Variants in MYO3A observed in about 807,000 individuals in gnomAD.
MYO3A encodes the protein myosin IIIA, also known as myosin-IIIa.
In MYO3A, 180 loss-of-function variants were observed where a neutral mutation model predicts 192.7. The ratio of observed to expected loss-of-function variants is 0.93; its 90% CI spans 0.83 to 1.06. MYO3A has a LOEUF of 1.06. Ranked by LOEUF, MYO3A falls within the 50% of genes least tolerant of loss-of-function variation. MYO3A has a pLI of 0.00. For missense variants in MYO3A, 1,896 were observed against 1,905.0 expected, an observed-to-expected ratio of 1.00 and a Z score of 0.09; for synonymous variants, 628 against 645.3, an observed-to-expected ratio of 0.97 and a Z score of 0.41.
intron 4 of MYO3A, among the ~76,000 whole-genome samples, chr10:25,974,580 TAG>T (rs1838863705): frequency 6.6e-6 from 1 of 152,146 alleles, no homozygotes; most frequent in Non-Finnish European, 1.5e-5. Flanking sequence ...CCACATCTCT[TAG>T]AGTGACACCT....
chr10:26,167,741 T>C (rs1377601048), intron 27 of MYO3A, among the ~76,000 whole-genome samples: 1 of 152,238 alleles, frequency 6.6e-6, no homozygotes, highest in East Asian at 1.9e-4. Flanking sequence ...TAGAGTCCTG[T>C]AGAAATTAAA....
chr10:26,107,334 A>G (rs1837874942), intron 17 of MYO3A, among the ~76,000 whole-genome samples: 1 of 152,074 alleles, frequency 6.6e-6, no homozygotes, highest in Non-Finnish European at 1.5e-5. Flanking sequence ...ACAAAAAATT[A>G]GCCAGGCGTG....
chr10:26,019,057 G>A (rs1842134034), intron 7 of MYO3A, among the ~76,000 whole-genome samples: 1 of 151,836 alleles, frequency 6.6e-6, no homozygotes, highest in African/African-American at 2.4e-5. Flanking sequence ...TATTCACAGG[G>A]CTGTGCAATC....
rs780657075 is a variant in MYO3A at position 26,024,033 on chromosome 10, C to G, written c.743C>G (p.Pro248Arg). The G allele has an allele frequency of 8.1e-6, 13 of 1,612,948 alleles. No individual in the cohort carries two copies. The Admixed American group carries it at 1.8e-4, about 23-fold the overall frequency. The change falls in exon 9 of 35, where the codon CCA becomes CGA. Residue 248 changes from proline (P) to arginine (R), a missense_variant. Pro to Arg is a moderately radical substitution (Grantham distance 103). Transcript: ENST00000642920. ...TCTTATTTTTCTAGGAATCCACCCC[C>G]AAAACTAAGGCAGCCTGAGCTATGG... Reference protein sequence around the residue: ...ALFKIPRNPPPKLRQPELWSA... With the variant: ...ALFKIPRNPPRKLRQPELWSA...
In MYO3A at chr10:26,143,446, A is replaced by C. The variant is rs1554833178; in HGVS notation, c.2263-2A>C. ...TTTTAAGTGGTTTTGTCTTTATTAT[A>C]GAATGAATACCTAAATGAAGATGTG... On this transcript the variant is annotated splice_acceptor_variant, in intron 20 of 34. Transcript: ENST00000642920. LOFTEE classifies it high-confidence loss of function. 1.9e-6 allele frequency: 3 copies of C among 1,609,142 alleles called. No homozygotes were observed. The highest frequency in any genetic ancestry group is 2.6e-6 in the Non-Finnish European group (3 of 1,175,600).
intron 4 of MYO3A, among the ~76,000 whole-genome samples, chr10:25,988,510 C>T (rs75030604): frequency 0.043 from 6,613 of 152,144 alleles, 183 homozygotes; most frequent in Middle Eastern, 0.068. Flanking sequence ...CCATAGCCAC[C>T]GTGGGAAACA....
intron 32 of MYO3A, among the ~76,000 whole-genome samples, chr10:26,200,619 G>T (rs138410208): frequency 3.9e-5 from 6 of 152,284 alleles, no homozygotes; most frequent in Non-Finnish European, 7.4e-5. Context: ...GTTAGTGTTC[G>T]AATTGAAGTA....
chr10:25,969,933 C>G (rs1291845316), intron 4 of MYO3A, among the ~76,000 whole-genome samples: 1 of 152,028 alleles, frequency 6.6e-6, no homozygotes, highest in Non-Finnish European at 1.5e-5. Flanking sequence ...GGCAAGGTAA[C>G]TTCCAGACAA....
Position 25,991,545 on chromosome 10 carries a change from T to C in MYO3A, c.304-4945T>C, listed in dbSNP as rs1840032618. On this transcript the variant is annotated intron_variant, in intron 4 of 34. Transcript: ENST00000642920. ...AGATCCCATTTGTCAATTTTGGCTT[T>C]TGTTGCCATTGCTTTTGGTGTTTTA... is the stretch of plus-strand genomic sequence containing the variant. 3.3e-5 allele frequency among the ~76,000 whole-genome samples: 5 copies of C among 152,156 alleles called. No individual in the cohort carries two copies. The South Asian group carries it at 1.0e-3, about 32-fold the overall frequency.
intron 10 of MYO3A, among the ~76,000 whole-genome samples, chr10:26,055,065 A>G (rs72795848): frequency 6.6e-6 from 1 of 152,108 alleles, no homozygotes; most frequent in African/African-American, 2.4e-5. Flanking sequence ...GGAAGTGACA[A>G]TGGCCAGGAT....
At chr10:25,999,427 A>G (rs557963315) in intron 6 of MYO3A, among the ~76,000 whole-genome samples, 13 of 152,276 alleles carry the variant, frequency 8.5e-5, no homozygotes, top group Admixed American at 7.8e-4. Context: ...CAGTTTGCCT[A>G]TGGTGATTAG....
chr10:26,004,147 G>A lies in MYO3A; in HGVS notation c.508+6889G>A, dbSNP rs1403187474. 2.6e-5 allele frequency among the ~76,000 whole-genome samples: 4 copies of A among 152,174 alleles called. No homozygotes were observed. In the East Asian group the frequency reaches 7.7e-4, roughly 29 times the overall value. ...GAGAGGGGTAAGGAAGGTATCTGCTGGCAGGGAGTGTTGGGTCCCCAAGTG... is the reference window on the plus strand; with the variant it reads ...GAGAGGGGTAAGGAAGGTATCTGCTAGCAGGGAGTGTTGGGTCCCCAAGTG... On this transcript the variant is annotated intron_variant, in intron 6 of 34. Coordinates refer to ENST00000642920, the MANE Select transcript of MYO3A (RefSeq NM_017433.5).
intron 17 of MYO3A, among the ~76,000 whole-genome samples, chr10:26,107,008 T>G (rs1004949346): frequency 6.6e-6 from 1 of 151,910 alleles, no homozygotes. Flanking sequence ...CCTATGTGAG[T>G]TAAAATCAGT....
intron 17 of MYO3A, among the ~76,000 whole-genome samples, chr10:26,113,488 C>A (rs554923115): frequency 0.015 from 1,977 of 129,568 alleles, 79 homozygotes; most frequent in Admixed American, 0.074. Context: ...AAAAAAAAAA[C>A]AAAAAAAAAC....
chr10:26,120,000 C>CAA (rs11372606), intron 17 of MYO3A, among the ~76,000 whole-genome samples: 9,296 of 126,056 alleles, frequency 0.074, 373 homozygotes, highest in Admixed American at 0.098. Flanking sequence ...TATAAAATAC[C>CAA]AAAAAAAAAA....
chr10:26,211,694 C>A, intron 34 of MYO3A, 149 bp from the exon 35 acceptor site: 1 of 1,243,520 alleles, frequency 8.0e-7, no homozygotes, highest in Non-Finnish European at 1.1e-6. Context: ...ATACGTTTGG[C>A]CATTATCCAG....
At chr10:26,027,301 A>G (rs1421322985) in intron 10 of MYO3A, among the ~76,000 whole-genome samples, 2 of 152,088 alleles carry the variant, frequency 1.3e-5, no homozygotes, top group African/African-American at 4.8e-5. Context: ...ATCAAGTATA[A>G]CATTTTAATC....
At chr10:26,032,683 A>C (rs1420287178) in intron 10 of MYO3A, among the ~76,000 whole-genome samples, 1 of 152,174 alleles carries the variant, frequency 6.6e-6, no homozygotes, top group Non-Finnish European at 1.5e-5. Context: ...ATTCCTTATT[A>C]GGCGTGGGAC....
At chr10:26,064,091 T>C (rs1260575389) in intron 10 of MYO3A, among the ~76,000 whole-genome samples, 2 of 151,984 alleles carry the variant, frequency 1.3e-5, no homozygotes, top group African/African-American at 4.8e-5. Context: ...AGGTAGAATA[T>C]GAGAGGTGAT....
Sources: gnomAD v4.1 joint callset for allele counts (sites outside exome capture counted in the v4.1 genomes callset) on GRCh38, gnomAD v4.1.1 for gene constraint, MANE v1.5 for transcripts, NCBI Gene and HGNC (gene_info 2026-07-23, HGNC 2026-07-21) for gene names.